KYNU: variants seen among roughly 807,000 people sequenced by gnomAD.
KYNU encodes L-kynurenine hydrolase.
In KYNU, 54 loss-of-function variants were observed where a neutral mutation model predicts 59.2. The observed-to-expected ratio is 0.91, with a 90% CI of 0.73 to 1.14. The LOEUF (loss-of-function observed/expected upper bound fraction) is 1.14. KYNU is among the 50% of genes most tolerant of loss of function. The probability of loss-of-function intolerance (pLI) is 0.00; values close to 1 mark genes in which losing one functional copy is unlikely to be tolerated. For synonymous variants in KYNU, 177 were observed against 192.0 expected (o/e 0.92, Z 0.65); for missense variants, 567 against 554.4 (o/e 1.02, Z -0.23).
chr2:143,012,916 A>AT (rs1433279144), intron 10 of KYNU, among the ~76,000 whole-genome samples: 2 of 151,984 alleles, frequency 1.3e-5, no homozygotes, highest in East Asian at 1.9e-4. Flanking sequence ...GTATATTTGA[A>AT]TTTTTTTTAG....
intron 10 of KYNU, among the ~76,000 whole-genome samples, chr2:143,005,922 A>G (rs694239): frequency 1 from 152,198 of 152,264 alleles, 76,066 homozygotes; most frequent in Middle Eastern, 1. Flanking sequence ...GCTGTGTTCC[A>G]ACAATCCATG....
intron 5 of KYNU, 126 bp from the exon 6 acceptor site, chr2:142,956,077 A>C: frequency 3.3e-6 from 2 of 604,978 alleles, no homozygotes. Flanking sequence ...CCTGACAAAC[A>C]CTTAAGATGT....
chr2:142,958,734 G>A (rs984660122), intron 7 of KYNU, among the ~76,000 whole-genome samples: 2 of 152,168 alleles, frequency 1.3e-5, no homozygotes, highest in African/African-American at 4.8e-5. Flanking sequence ...TGGGACCACT[G>A]TTGAGCATTA....
At chr2:142,943,082 A>G (rs998808157) in intron 4 of KYNU, among the ~76,000 whole-genome samples, 1 of 152,132 alleles carries the variant, frequency 6.6e-6, no homozygotes, top group Non-Finnish European at 1.5e-5. Flanking sequence ...GTTTTTTTCT[A>G]TCTTTTGGGA....
At chr2:143,040,690 GT>G in intron 13 of KYNU, 32 bp downstream of exon 13, 1 of 1,421,416 alleles carries the variant, frequency 7.0e-7, no homozygotes, top group Non-Finnish European at 9.8e-7. Flanking sequence ...ACCAGATTTT[GT>G]CTATGGGCCG....
At chr2:143,004,737 C>T (rs892693428) in intron 10 of KYNU, among the ~76,000 whole-genome samples, 3 of 152,012 alleles carry the variant, frequency 2.0e-5, no homozygotes, top group East Asian at 1.9e-4. Flanking sequence ...TTTTTCCTCC[C>T]GAGCATACAA....
chr2:142,900,007 G>A (rs1682021022), intron 2 of KYNU, among the ~76,000 whole-genome samples: 2 of 152,164 alleles, frequency 1.3e-5, no homozygotes, highest in South Asian at 4.1e-4. Flanking sequence ...CTTGTTCTCT[G>A]ACCTGGGGTT....
intron 5 of KYNU, among the ~76,000 whole-genome samples, chr2:142,955,688 A>G (rs1190611097): frequency 6.6e-6 from 1 of 152,112 alleles, no homozygotes. Flanking sequence ...ATCAACACTC[A>G]GTTAACAGTA....
At chr2:142,937,852 A>G (rs1683444256) in intron 4 of KYNU, among the ~76,000 whole-genome samples, 2 of 152,238 alleles carry the variant, frequency 1.3e-5, no homozygotes, top group Admixed American at 6.5e-5. Context: ...TAAAATATGT[A>G]AGGAGGCAAG....
At chr2:142,908,535 C>T (rs1226854889) in intron 2 of KYNU, among the ~76,000 whole-genome samples, 1 of 151,476 alleles carries the variant, frequency 6.6e-6, no homozygotes, top group Non-Finnish European at 1.5e-5. Flanking sequence ...GAGTCCTACA[C>T]CAAAAAAATT....
chr2:142,987,033 A>G (rs983016744), intron 10 of KYNU, among the ~76,000 whole-genome samples: 1 of 151,890 alleles, frequency 6.6e-6, no homozygotes, highest in African/African-American at 2.4e-5. Context: ...AAGTTTAAAT[A>G]TCTTTGGACA....
chr2:142,955,464 A>G (rs571797305), intron 5 of KYNU, among the ~76,000 whole-genome samples: 40 of 152,204 alleles, frequency 2.6e-4, no homozygotes, highest in African/African-American at 9.1e-4. Context: ...TTTTTCAAGT[A>G]TGTTTTGGAA....
chr2:143,027,286 A>G lies in KYNU; in HGVS notation c.903-2341A>G, dbSNP rs1357005484. On this transcript the variant is annotated intron_variant, in intron 10 of 13. Transcript: ENST00000264170. Reference sequence around the variant, plus strand: ...CATATATCTTCTTAAATTGTCCTCTAGAAAGATTTTATTACTTATTTATTA... The same window carrying G: ...CATATATCTTCTTAAATTGTCCTCTGGAAAGATTTTATTACTTATTTATTA... Among the ~76,000 whole-genome samples the G allele has an allele frequency of 2.0e-5, 3 of 152,232 alleles. No individual in the cohort carries two copies. In the South Asian group the frequency reaches 6.2e-4, roughly 31 times the overall value.
In KYNU at chr2:143,040,357, G is replaced by C. The variant is rs942987642; in HGVS notation, c.1042-71G>C. ...ATATGGGCATTTCCTTTTTATGCAT[G>C]ATTTACTCTTAATTTTTGCTTCTTT... On this transcript the variant is annotated intron_variant, in intron 12 of 13. Transcript: ENST00000264170. 3.8e-6 allele frequency: 4 copies of C among 1,044,662 alleles called. No individual in the cohort carries two copies. The African/African-American group carries it at 6.3e-5, about 16-fold the overall frequency. 64.7% of individuals were successfully genotyped at this position (1,044,662 alleles called of 1,614,324 possible).
chr2:142,975,887 T>G (rs1013046692), intron 8 of KYNU, among the ~76,000 whole-genome samples: 5 of 152,214 alleles, frequency 3.3e-5, no homozygotes, highest in Admixed American at 3.3e-4. Flanking sequence ...CATTTTTAAT[T>G]CAATGAGTTC....
chr2:142,885,003 CCGAGG>C (rs1371563428), intron 1 of KYNU, among the ~76,000 whole-genome samples: 5 of 128,678 alleles, frequency 3.9e-5, no homozygotes, highest in African/African-American at 1.4e-4. Flanking sequence ...CTTTGGGAGG[CCGAGG>C]TGGGCGGATC....
At chr2:143,012,490 CAA>C (rs1255670962) in intron 10 of KYNU, among the ~76,000 whole-genome samples, 26 of 79,894 alleles carry the variant, frequency 3.3e-4, no homozygotes, top group Admixed American at 4.2e-4. Flanking sequence ...CTCCAAAAAA[CAA>C]AAAAAAAAAA....
chr2:143,026,096 T>C (rs1421051263), intron 10 of KYNU, among the ~76,000 whole-genome samples: 1 of 152,156 alleles, frequency 6.6e-6, no homozygotes, highest in Non-Finnish European at 1.5e-5. Context: ...CTGGAAAACA[T>C]AGGAATAAAG....
At chr2:142,921,879 A>G (rs1682897321) in intron 3 of KYNU, among the ~76,000 whole-genome samples, 1 of 152,052 alleles carries the variant, frequency 6.6e-6, no homozygotes, top group Non-Finnish European at 1.5e-5. Flanking sequence ...ATGCCACTTC[A>G]GTGGTCTGTT....
Sources: gnomAD v4.1 joint callset for allele counts (sites outside exome capture counted in the v4.1 genomes callset) on GRCh38, gnomAD v4.1.1 for gene constraint, MANE v1.5 for transcripts, NCBI Gene and HGNC (gene_info 2026-07-23, HGNC 2026-07-21) for gene names.